Variants in MAST4 observed in about 807,000 individuals in gnomAD.
MAST4 encodes the protein microtubule-associated serine/threonine-protein kinase 4.
A neutral mutation model predicts 162.7 loss-of-function variants in MAST4; 89 were observed. The ratio of observed to expected loss-of-function variants is 0.55; its 90% CI spans 0.46 to 0.65. The LOEUF (loss-of-function observed/expected upper bound fraction) is 0.65, where lower values mean the gene tolerates loss of function less well. MAST4 is among the 30% of genes least tolerant of loss of function. MAST4 has a pLI of 0.00. For synonymous variants in MAST4, 1,479 were observed against 1,361.1 expected, an observed-to-expected ratio of 1.09 and a Z score of -1.91; for missense variants, 3,153 against 3,374.0, an observed-to-expected ratio of 0.93 and a Z score of 1.62.
chr5:67,164,905 G>A lies in MAST4; in HGVS notation c.5726G>A (p.Ser1909Asn). 1 of 1,614,006 alleles carries A rather than the reference G, an allele frequency of 6.2e-7. No individual in the cohort carries two copies. The highest frequency in any genetic ancestry group is 8.5e-7 in the Non-Finnish European group (1 of 1,179,898). Residue 1909 changes from serine to asparagine, a missense_variant, in exon 29 of 29, where the codon AGC (serine) becomes AAC (asparagine). Physicochemically the swap from Ser to Asn is conservative, Grantham distance 46 (BLOSUM62 1). Transcript: ENST00000403625. The surrounding 1 kb of genome is among the most constrained non-coding windows in gnomAD (Gnocchi z 5.3). ...AAAGGTCCCCATCCTACTGCCAGGA[G>A]CCCTGGAACAGTCATGGAAAGCAAT... ...DRKGPHPTAR[S>N]PGTVMESNPQ...
rs1034767043 is a variant in MAST4 at position 67,167,368 on chromosome 5, T to G, written c.*317T>G. The G allele has an allele frequency of 1.8e-5, 4 of 227,592 alleles. No individual in the cohort carries two copies. Among genetic ancestry groups the G allele is most frequent in the Admixed American group, 5.6e-5 (1 of 17,838 alleles). 14.1% of individuals were successfully genotyped at this position (227,592 alleles called of 1,614,324 possible). A position where few individuals can be genotyped will look rare whatever the true frequency, so the allele number is the denominator to read the frequency against. On this transcript the variant is annotated 3_prime_UTR_variant, in exon 29 of 29. Coordinates refer to ENST00000403625, the MANE Select transcript of MAST4 (RefSeq NM_001164664.2). ...ATATAGCATCGTGTTTGGTTTGGGATGTAGAGTCTATACCTGGCTGCTGAT... is the reference window on the plus strand; with the variant it reads ...ATATAGCATCGTGTTTGGTTTGGGAGGTAGAGTCTATACCTGGCTGCTGAT...
At chr5:66,785,254 C>T (rs774861997) in intron 2 of MAST4, among the ~76,000 whole-genome samples, 1 of 152,044 alleles carries the variant, frequency 6.6e-6, no homozygotes, top group African/African-American at 2.4e-5. Context: ...AAACAAAAAA[C>T]GCTAGGTTGC....
chr5:67,116,661 C>A (rs1395593084), intron 12 of MAST4, among the ~76,000 whole-genome samples: 2 of 151,512 alleles, frequency 1.3e-5, no homozygotes, highest in Non-Finnish European at 2.9e-5. Context: ...ACTAAAAATA[C>A]AAAAATTAGC....
At chr5:67,073,381 C>A (rs1483112472) in intron 5 of MAST4, among the ~76,000 whole-genome samples, 1 of 152,152 alleles carries the variant, frequency 6.6e-6, no homozygotes, top group Admixed American at 6.6e-5. Context: ...TCAAAAAAAA[C>A]CTAGTCTATA....
intron 5 of MAST4, among the ~76,000 whole-genome samples, chr5:67,065,131 T>C (rs1760073366): frequency 6.6e-6 from 1 of 152,196 alleles, no homozygotes; most frequent in South Asian, 2.1e-4. Flanking sequence ...AAAATAATTT[T>C]CTCATCTGCT....
At chr5:67,132,252 C>G (rs1437205032) in intron 16 of MAST4, among the ~76,000 whole-genome samples, 4 of 152,006 alleles carry the variant, frequency 2.6e-5, no homozygotes, top group Non-Finnish European at 5.9e-5. Flanking sequence ...TATACACATG[C>G]CATGGTGGTG....
At chr5:66,759,912 G>A (rs1561312186) in intron 2 of MAST4, 50 bp downstream of exon 2, 2 of 1,596,926 alleles carry the variant, frequency 1.3e-6, no homozygotes, top group South Asian at 2.2e-5. Context: ...TCTTTACAAG[G>A]TCCTGCATGG....
At chr5:66,735,638 G>A (rs1752110652) in intron 1 of MAST4, among the ~76,000 whole-genome samples, 1 of 152,114 alleles carries the variant, frequency 6.6e-6, no homozygotes, top group South Asian at 2.1e-4. Flanking sequence ...AAATTTGCTA[G>A]CAAAATTTTG....
chr5:66,906,626 T>C (rs1416281867), intron 4 of MAST4, among the ~76,000 whole-genome samples: 1 of 152,142 alleles, frequency 6.6e-6, no homozygotes, highest in Non-Finnish European at 1.5e-5. Flanking sequence ...CTCACTGAAA[T>C]GTATGTACCT....
At chr5:67,103,690 A>G (rs1765280702) in intron 9 of MAST4, among the ~76,000 whole-genome samples, 1 of 152,238 alleles carries the variant, frequency 6.6e-6, no homozygotes, top group Non-Finnish European at 1.5e-5. Context: ...GCTTTGTGGC[A>G]AAAGAAGATG....
At chr5:66,879,904 C>A (rs1761578568) in intron 3 of MAST4, among the ~76,000 whole-genome samples, 2 of 152,328 alleles carry the variant, frequency 1.3e-5, no homozygotes, top group African/African-American at 2.4e-5. Flanking sequence ...ATACATGTAC[C>A]TTTTGACCCA....
At position 67,164,095 on chromosome 5, in the gene MAST4, C is replaced by T. The variant is rs1272182044; in HGVS notation, c.4916C>T (p.Ala1639Val). ...CAGGGTGGCGGGGACTTCAGACGGG[C>T]CCCCGCTCCTGGCACCCTCCAGGAT... Reference protein sequence around the residue: ...HRQGGGDFRRAPAPGTLQDGL... With the variant: ...HRQGGGDFRRVPAPGTLQDGL... The change falls in exon 29 of 29, where the codon GCC (alanine) becomes GTC (valine). Residue 1639 changes from alanine (A) to valine (V), a missense_variant. By Grantham distance (64) the Ala-to-Val change is moderately conservative. Transcript: ENST00000403625. The surrounding 1 kb of genome is among the most constrained non-coding windows in gnomAD (Gnocchi z 5.3). 3.8e-6 allele frequency: 6 copies of T among 1,574,136 alleles called. No homozygotes were observed. The highest frequency in any genetic ancestry group is 3.6e-5 in the Admixed American group (2 of 55,376).
At chr5:66,837,142 T>C (rs1376048910) in intron 3 of MAST4, among the ~76,000 whole-genome samples, 1 of 152,044 alleles carries the variant, frequency 6.6e-6, no homozygotes, top group African/African-American at 2.4e-5. Context: ...CTGCCTGATG[T>C]TGGCTAGGCT....
intron 4 of MAST4, among the ~76,000 whole-genome samples, chr5:66,957,738 C>G (rs1435366523): frequency 2.0e-5 from 3 of 152,162 alleles, no homozygotes; most frequent in African/African-American, 7.2e-5. Context: ...CCATATGCAC[C>G]TTTGTGGAGT....
chr5:67,058,743 T>G (rs1268533507), intron 5 of MAST4, among the ~76,000 whole-genome samples: 1 of 152,218 alleles, frequency 6.6e-6, no homozygotes, highest in Non-Finnish European at 1.5e-5. Flanking sequence ...TCATGCATAG[T>G]CATAGAAATT....
chr5:66,988,825 T>C (rs1226849280), intron 4 of MAST4, among the ~76,000 whole-genome samples: 1 of 152,198 alleles, frequency 6.6e-6, no homozygotes, highest in Non-Finnish European at 1.5e-5. Flanking sequence ...AGGAAAACTG[T>C]AGAATCAAAA....
At chr5:67,036,195 C>G (rs962365808) in intron 4 of MAST4, among the ~76,000 whole-genome samples, 2 of 152,162 alleles carry the variant, frequency 1.3e-5, no homozygotes, top group African/African-American at 4.8e-5. Context: ...AAATTAGTAT[C>G]TCAATAAAGT....
intron 4 of MAST4, among the ~76,000 whole-genome samples, chr5:66,923,118 C>T (rs1474408979): frequency 6.6e-6 from 1 of 152,216 alleles, no homozygotes; most frequent in African/African-American, 2.4e-5. Flanking sequence ...CGATCTATTT[C>T]AGCACCAGAA....
intron 3 of MAST4, 129 bp from the exon 4 acceptor site, chr5:66,899,821 AT>A: frequency 1.5e-6 from 1 of 655,876 alleles, no homozygotes; most frequent in Admixed American, 3.8e-5. Flanking sequence ...TGACATTAAA[AT>A]GTTTTCAGTA....
Sources: allele counts gnomAD v4.1 joint callset (sites outside exome capture counted in the v4.1 genomes callset), GRCh38; gene constraint gnomAD v4.1.1; non-coding constraint Gnocchi (gnomAD v3.1); transcripts MANE v1.5; gene names NCBI Gene and HGNC (gene_info 2026-07-23, HGNC 2026-07-21).